RB1: variants seen among roughly 807,000 people sequenced by gnomAD.
RB1 encodes the protein retinoblastoma-associated protein.
In RB1, 18 loss-of-function variants were observed where a neutral mutation model predicts 135.4. That is an observed-to-expected ratio of 0.13 (90% CI 0.09 to 0.20). The LOEUF (loss-of-function observed/expected upper bound fraction) is 0.20, where lower values mean the gene tolerates loss of function less well. RB1 is among the 10% of genes least tolerant of loss of function. The pLI, the probability that RB1 is intolerant of heterozygous loss-of-function variation, is 1.00. For missense variants in RB1, 868 were observed against 1,110.0 expected, an observed-to-expected ratio of 0.78 and a Z score of 3.10; for synonymous variants, 365 against 373.2, an observed-to-expected ratio of 0.98 and a Z score of 0.25.
chr13:48,444,139 T>C (rs1278876294), intron 17 of RB1, among the ~76,000 whole-genome samples: 3 of 152,148 alleles, frequency 2.0e-5, no homozygotes, highest in Non-Finnish European at 4.4e-5. Flanking sequence ...ATCCTAGGCC[T>C]CCAGAACTTC....
intron 17 of RB1, among the ~76,000 whole-genome samples, chr13:48,432,086 A>T (rs1340397003): frequency 1.3e-5 from 2 of 152,116 alleles, no homozygotes; most frequent in Non-Finnish European, 2.9e-5. Context: ...ATTTAGGAGG[A>T]AAAAGGGGGT....
chr13:48,400,269 G>GTATT (rs1948680415), intron 17 of RB1, among the ~76,000 whole-genome samples: 1 of 152,068 alleles, frequency 6.6e-6, no homozygotes, highest in Non-Finnish European at 1.5e-5. Context: ...GTGCTTCAGT[G>GTATT]TATTAACTCA....
intron 3 of RB1, 38 bp from the exon 4 acceptor site, chr13:48,345,042 G>T (rs1227657605): frequency 6.3e-7 from 1 of 1,591,030 alleles, no homozygotes; most frequent in South Asian, 1.1e-5. Context: ...AAATTTTTAA[G>T]GTTACTGATT....
chr13:48,463,666 G>A (rs977746254), intron 20 of RB1, 65 bp from the exon 21 acceptor site: 18 of 1,004,530 alleles, frequency 1.8e-5, no homozygotes, highest in Non-Finnish European at 2.5e-5. Context: ...AAAGAAAATG[G>A]TATTTTTTAA....
At chr13:48,448,991 T>G (rs1232338506) in intron 17 of RB1, among the ~76,000 whole-genome samples, 1 of 152,244 alleles carries the variant, frequency 6.6e-6, no homozygotes, top group Admixed American at 6.5e-5. Flanking sequence ...AAACTTGTTC[T>G]TCATGCTTTT....
chr13:48,390,995 CTTA>C (rs1948606789), intron 17 of RB1, among the ~76,000 whole-genome samples: 1 of 152,108 alleles, frequency 6.6e-6, no homozygotes, highest in Admixed American at 6.6e-5. Context: ...AATTCTCCAT[CTTA>C]TTATTCATTT....
chr13:48,426,633 CAGTCACTCA>C (rs1949083230), intron 17 of RB1: 1 of 152,214 alleles, frequency 6.6e-6, no homozygotes, highest in South Asian at 2.1e-4. Context: ...GCTCTCCTTC[CAGTCACTCA>C]AGTACAACTT....
chr13:48,420,863 T>A (rs940159588), intron 17 of RB1, among the ~76,000 whole-genome samples: 1 of 151,800 alleles, frequency 6.6e-6, no homozygotes, highest in African/African-American at 2.4e-5. Context: ...AACTACAAAC[T>A]TCACTGCTCA....
At chr13:48,367,125 A>AT (rs1952709882) in intron 9 of RB1, among the ~76,000 whole-genome samples, 1 of 151,520 alleles carries the variant, frequency 6.6e-6, no homozygotes, top group African/African-American at 2.4e-5. Flanking sequence ...TCTCAAAAAA[A>AT]AAAAAAAAAA....
intron 10 of RB1, among the ~76,000 whole-genome samples, chr13:48,368,229 C>T (rs1326336309): frequency 6.6e-6 from 1 of 152,046 alleles, no homozygotes; most frequent in African/African-American, 2.4e-5. Context: ...TACTGAACAA[C>T]TTGGTTATCA....
At chr13:48,375,477 G>GTT (rs1316722658) in intron 12 of RB1, among the ~76,000 whole-genome samples, 1 of 137,086 alleles carries the variant, frequency 7.3e-6, no homozygotes, top group Non-Finnish European at 1.6e-5. Context: ...TTTGTGTGCT[G>GTT]TTTTTTTTTT....
chr13:48,472,732 GA>G (rs1566239664), intron 23 of RB1, among the ~76,000 whole-genome samples: 2 of 152,194 alleles, frequency 1.3e-5, no homozygotes, highest in East Asian at 3.9e-4. Flanking sequence ...TATGTAGAGT[GA>G]TGGCCACTTA....
intron 17 of RB1, among the ~76,000 whole-genome samples, chr13:48,449,100 G>A (rs1020251967): frequency 2.0e-5 from 3 of 151,834 alleles, no homozygotes; most frequent in East Asian, 1.9e-4. Flanking sequence ...GAACTGTTGC[G>A]TAATCGCCGT....
intron 5 of RB1, 81 bp from the exon 6 acceptor site, chr13:48,348,875 C>A: frequency 6.7e-7 from 1 of 1,492,790 alleles, no homozygotes. Context: ...CAAAAAGAAA[C>A]ACCCAAAAGA....
chr13:48,304,327 G>C, intron 1 of RB1, among the ~76,000 whole-genome samples: 1 of 152,196 alleles, frequency 6.6e-6, no homozygotes, highest in Non-Finnish European at 1.5e-5. Flanking sequence ...CTCTTGTGAG[G>C]CTCGGAGGCA....
intron 2 of RB1, among the ~76,000 whole-genome samples, chr13:48,335,330 A>G (rs970189169): frequency 6.6e-6 from 1 of 152,146 alleles, no homozygotes; most frequent in South Asian, 2.1e-4. Context: ...ATTATAAATA[A>G]CTTTTCAAAC....
At chr13:48,389,693 T>TC (rs1218005559) in intron 17 of RB1, 2 of 152,240 alleles carry the variant, frequency 1.3e-5, no homozygotes, top group African/African-American at 4.8e-5. Flanking sequence ...AGGGTCCACT[T>TC]CCAAGATGCT....
intron 2 of RB1, among the ~76,000 whole-genome samples, chr13:48,313,148 T>A (rs1952145834): frequency 6.6e-6 from 1 of 152,142 alleles, no homozygotes; most frequent in Non-Finnish European, 1.5e-5. Context: ...AATATGATAG[T>A]ATTCATATTC....
At chr13:48,320,336 C>T (rs887345074) in intron 2 of RB1, 2 of 1,252,202 alleles carry the variant, frequency 1.6e-6, no homozygotes, top group Non-Finnish European at 2.3e-6. Flanking sequence ...AGCATCTGCA[C>T]CCGGGCGCTC....
Sources: gnomAD v4.1 joint callset for allele counts (sites outside exome capture counted in the v4.1 genomes callset) on GRCh38, gnomAD v4.1.1 for gene constraint, MANE v1.5 for transcripts, NCBI Gene and HGNC (gene_info 2026-07-23, HGNC 2026-07-21) for gene names.